The following POLQ variants were observed in gnomAD, a reference collection of about 807,000 sequenced individuals.
POLQ encodes epididymis secretory sperm binding protein.
Under a neutral mutation model 259.2 loss-of-function variants are expected in POLQ, and 233 were observed. That is an observed-to-expected ratio of 0.90 (90% CI 0.81 to 1.00). POLQ has a LOEUF of 1.00. Among genes scored for constraint, POLQ ranks in the 50% least tolerant of loss-of-function variants. The probability of loss-of-function intolerance (pLI) is 0.00; values close to 1 mark genes in which losing one functional copy is unlikely to be tolerated. For missense variants in POLQ, 2,871 were observed against 3,051.6 expected, an observed-to-expected ratio of 0.94 and a Z score of 1.39; for synonymous variants, 1,025 against 1,048.8, an observed-to-expected ratio of 0.98 and a Z score of 0.44.
intron 12 of POLQ, among the ~76,000 whole-genome samples, chr3:121,498,995 C>T (rs1279944810): frequency 2.6e-5 from 4 of 152,216 alleles, no homozygotes; most frequent in South Asian, 2.1e-4. Context: ...GCAGGAGGAT[C>T]GCTTGAGCCC....
intron 26 of POLQ, among the ~76,000 whole-genome samples, chr3:121,445,766 G>C (rs998724566): frequency 6.6e-6 from 1 of 151,614 alleles, no homozygotes; most frequent in Non-Finnish European, 1.5e-5. Context: ...GGGAGGCTGA[G>C]ACAGGAAAAT....
At chr3:121,529,887 T>G in intron 6 of POLQ, 95 bp from the exon 7 acceptor site, 4 of 909,358 alleles carry the variant, frequency 4.4e-6, no homozygotes, top group Non-Finnish European at 6.4e-6. Flanking sequence ...GGGAAGCTTT[T>G]TCTTCTTTAA....
In POLQ at chr3:121,497,459, C is replaced by T. The variant is rs1034603400; in HGVS notation, c.2154-527G>A. On this transcript the variant is annotated intron_variant, in intron 13 of 29. Coordinates refer to ENST00000264233, the MANE Select transcript of POLQ (RefSeq NM_199420.4). ...CATTATTATTTCTTTTTTTTTGAGA[C>T]GGAGTCTCACTGTGTTGCCCAGGCT... Among the ~76,000 whole-genome samples, 14 of 151,472 alleles carry T rather than the reference C, an allele frequency of 9.2e-5. 1 individual carries two copies. The highest frequency in any genetic ancestry group is 6.3e-4 in the South Asian group (3 of 4,792).
At chr3:121,504,344 G>GA (rs1329772916) in intron 12 of POLQ, among the ~76,000 whole-genome samples, 2 of 151,974 alleles carry the variant, frequency 1.3e-5, no homozygotes, top group Admixed American at 6.6e-5. Flanking sequence ...ACCGATTGAA[G>GA]AAAAAATCGA....
At chr3:121,514,028 A>G (rs1004001854) in intron 9 of POLQ, among the ~76,000 whole-genome samples, 22 of 144,668 alleles carry the variant, frequency 1.5e-4, no homozygotes, top group Non-Finnish European at 2.7e-4. Context: ...ATCTCAAAAA[A>G]AAAAAAAAAA....
At position 121,440,088 on chromosome 3, in the gene POLQ, C is replaced by T. The variant is rs3218645; in HGVS notation, c.7293G>A (p.Val2431=). ...CAAATCCGTCTCTTTTACAATTCTT[C>T]ACTGTCTCTGTCATGAATTGATTAA... ...TGINQFMTET[V]KNCKRDGFVQ... is the part of the protein sequence containing the mutation. Residue 2431 remains valine (V), a synonymous_variant, in exon 27 of 30, where the codon GTG becomes GTA. Coordinates refer to ENST00000264233, the MANE Select transcript of POLQ (RefSeq NM_199420.4). 1 of 1,607,302 alleles carries T rather than the reference C, an allele frequency of 6.2e-7. No homozygotes were observed.
intron 6 of POLQ, among the ~76,000 whole-genome samples, chr3:121,531,143 C>T (rs1489791684): frequency 6.6e-6 from 1 of 152,046 alleles, no homozygotes; most frequent in Admixed American, 6.6e-5. Flanking sequence ...GCTGAGATCG[C>T]GCCATTGCAC....
rs1463446401 is a variant in POLQ at position 121,522,031 on chromosome 3, T to C, written c.1227A>G (p.Val409=). 1.3e-6 allele frequency: 2 copies of C among 1,594,266 alleles called. No individual in the cohort carries two copies. Among genetic ancestry groups the C allele is most frequent in the Non-Finnish European group, 1.7e-6 (2 of 1,172,118 alleles). ...SGLDSVLQKT[V]PWGVAFHHAG... is the part of the protein sequence containing the mutation. ...CATGATGAAATGCTACTCCCCATGG[T>C]ACAGTTTTCTGTAATACAGAGTCCA... Residue 409 remains valine, a synonymous_variant, in exon 8 of 30, where the codon GTA becomes GTG. Coordinates refer to ENST00000264233, the MANE Select transcript of POLQ (RefSeq NM_199420.4).
At chr3:121,478,798 T>C (rs1172315709) in intron 19 of POLQ, among the ~76,000 whole-genome samples, 1 of 152,116 alleles carries the variant, frequency 6.6e-6, no homozygotes, top group Non-Finnish European at 1.5e-5. Context: ...AATACAATAA[T>C]AGAAGGTTTA....
At chr3:121,544,502 C>G (rs1332040394) in intron 2 of POLQ, among the ~76,000 whole-genome samples, 1 of 152,150 alleles carries the variant, frequency 6.6e-6, no homozygotes, top group African/African-American at 2.4e-5. Flanking sequence ...GAATTGCCCA[C>G]TCTTTAAATT....
chr3:121,488,315 T>C lies in POLQ; in HGVS notation c.4616A>G (p.Asn1539Ser). ...CTGCTGGTGGGTATCTTGATTCTCATTTACATTTGATTTTTTAATTAGGTC... is the reference window on the plus strand; with the variant it reads ...CTGCTGGTGGGTATCTTGATTCTCACTTACATTTGATTTTTTAATTAGGTC... Reference protein sequence around the residue: ...QEDLIKKSNVNENQDTHQQLT... With the variant: ...QEDLIKKSNVSENQDTHQQLT... Residue 1539 changes from asparagine to serine, a missense_variant, in exon 16 of 30, where the codon AAT becomes AGT. Asn to Ser is a conservative substitution (Grantham distance 46, BLOSUM62 1). Coordinates refer to ENST00000264233, the MANE Select transcript of POLQ (RefSeq NM_199420.4). 3 of 1,612,630 alleles carry C rather than the reference T, an allele frequency of 1.9e-6. No homozygotes were observed. Among genetic ancestry groups the C allele is most frequent in the Non-Finnish European group, 2.5e-6 (3 of 1,179,440 alleles).
At chr3:121,529,104 C>A (rs1281241086) in intron 7 of POLQ, among the ~76,000 whole-genome samples, 1 of 151,742 alleles carries the variant, frequency 6.6e-6, no homozygotes, top group Non-Finnish European at 1.5e-5. Flanking sequence ...CATAGCTTGT[C>A]AGTTTTTTCA....
In POLQ at chr3:121,487,295, T is replaced by A. The variant is rs761916892; in HGVS notation, c.5629+7A>T. 2 of 1,501,408 alleles carry A rather than the reference T, an allele frequency of 1.3e-6. No individual in the cohort carries two copies. Among genetic ancestry groups the A allele is most frequent in the East Asian group, 2.3e-5 (1 of 43,910 alleles). 93.0% of individuals were successfully genotyped at this position (1,501,408 alleles called of 1,614,324 possible). On this transcript the variant is annotated splice_region_variant and intron_variant, in intron 16 of 29. Transcript: ENST00000264233. ...ATATGAAAAAATAAAATTAAAAAAA[T>A]TCTTACCTTGCTTAAACCTACTGCC...
At chr3:121,476,837 C>T (rs2047931445) in intron 19 of POLQ, 104 bp from the exon 20 acceptor site, 3 of 761,452 alleles carry the variant, frequency 3.9e-6, no homozygotes, top group Non-Finnish European at 6.2e-6. Context: ...TCCAGAAATG[C>T]TACCAAGGTA....
chr3:121,488,978 A>G lies in POLQ; in HGVS notation c.3953T>C (p.Phe1318Ser), dbSNP rs747859277. 3.1e-6 allele frequency: 5 copies of G among 1,613,548 alleles called. No individual in the cohort carries two copies. Among genetic ancestry groups the G allele is most frequent in the Non-Finnish European group, 3.4e-6 (4 of 1,179,570 alleles). The change falls in exon 16 of 30, where the codon TTT becomes TCT. Residue 1318 changes from phenylalanine (F) to serine (S), a missense_variant. Phe to Ser is a radical substitution (Grantham distance 155, BLOSUM62 -2). This residue lies in a region of POLQ where 2,080 missense variants were observed against 2,126.0 expected (regional missense o/e 0.98). Transcript: ENST00000264233. ...AGTATCCAGATAGAAACTATCTTCA[A>G]AATCACAGAGGACTAAACCTAAGTC... is the stretch of plus-strand genomic sequence containing the variant. ...VSDLGLVLCD[F>S]EDSFYLDTQS...
chr3:121,501,156 G>A (rs760907541), intron 12 of POLQ, among the ~76,000 whole-genome samples: 9 of 151,736 alleles, frequency 5.9e-5, no homozygotes, highest in Non-Finnish European at 1.3e-4. Context: ...GGTAAAGACA[G>A]AGTTTCACCA....
In POLQ at chr3:121,511,476, AC is replaced by A. The variant is rs199805656; in HGVS notation, c.1611+410del. Among the ~76,000 whole-genome samples, 1,234 of 152,174 alleles carry A rather than the reference AC, an allele frequency of 8.1e-3. 15 individuals carry two copies. Among genetic ancestry groups the A allele is most frequent in the African/African-American group, 0.028 (1,172 of 41,520 alleles). On this transcript the variant is annotated intron_variant, in intron 10 of 29. Transcript: ENST00000264233. ...AACACAGCGAGACTCCATCTCAAAA[AC>A]AAAACAAAAAAAACATAAAGCACCG...
chr3:121,509,645 T>C lies in POLQ; in HGVS notation c.1875A>G (p.Pro625=). The change falls in exon 12 of 30, where the codon CCA becomes CCG. Residue 625 remains proline (P), a synonymous_variant. Transcript: ENST00000264233. ...GSATLSSSLS[P]ADTLDIFADL... ...CAGCAAAAATATCTAAAGTATCAGC[T>C]GGAGAAAGTGAAGAAGAAAGAGTGG... is the stretch of plus-strand genomic sequence containing the variant. 1.9e-6 allele frequency: 3 copies of C among 1,613,768 alleles called. No homozygotes were observed. In the South Asian group the frequency reaches 3.3e-5, roughly 18 times the overall value.
intron 12 of POLQ, among the ~76,000 whole-genome samples, chr3:121,499,644 G>A (rs1426796033): frequency 1.3e-5 from 2 of 152,036 alleles, no homozygotes; most frequent in African/African-American, 2.4e-5. Context: ...TTTCAAGAAA[G>A]AATCAATAAC....
Sources: allele counts gnomAD v4.1 joint callset (sites outside exome capture counted in the v4.1 genomes callset), GRCh38; gene constraint gnomAD v4.1.1; regional missense constraint gnomAD v4.1.1; transcripts MANE v1.5; gene names NCBI Gene and HGNC (gene_info 2026-07-23, HGNC 2026-07-21).